The following CCDC150 variants were observed in gnomAD, a reference collection of about 807,000 sequenced individuals.
CCDC150 encodes coiled-coil domain-containing protein 150.
Under a neutral mutation model 156.5 loss-of-function variants are expected in CCDC150, and 151 were observed. The observed-to-expected ratio is 0.97, with a 90% CI of 0.85 to 1.10. The LOEUF (loss-of-function observed/expected upper bound fraction) is 1.10. CCDC150 is among the 50% of genes least tolerant of loss of function. CCDC150 has a pLI of 0.00. For synonymous variants in CCDC150, 452 were observed against 429.4 expected (o/e 1.05, Z -0.65); for missense variants, 1,312 against 1,268.1 (o/e 1.03, Z -0.53).
chr2:196,640,263 T>G (rs1197419292), intron 1 of CCDC150, among the ~76,000 whole-genome samples: 3 of 152,202 alleles, frequency 2.0e-5, no homozygotes, highest in Non-Finnish European at 4.4e-5. Flanking sequence ...TCCTGTTTAT[T>G]TACCACCTAT....
At chr2:196,732,353 C>A in intron 27 of CCDC150, 93 bp from the exon 28 acceptor site, 1 of 1,127,708 alleles carries the variant, frequency 8.9e-7, no homozygotes, top group Non-Finnish European at 1.3e-6. Flanking sequence ...CACTTGTCTT[C>A]ATGAATAGAT....
rs779529724 is a variant in CCDC150 at position 196,718,763 on chromosome 2, A to G, written c.1995+132A>G. ...ATCAGGGGAGGATTTCTTTTTCTGG[A>G]GAAAAGATAATTTTAGAATAGTTTA... On this transcript the variant is annotated intron_variant, in intron 18 of 27. Coordinates refer to ENST00000389175, the MANE Select transcript of CCDC150 (RefSeq NM_001080539.2). 304 of 1,206,774 alleles carry G rather than the reference A, an allele frequency of 2.5e-4. 1 individual carries two copies. Among genetic ancestry groups the G allele is most frequent in the Middle Eastern group, 2.4e-3 (11 of 4,544 alleles). 74.8% of individuals were successfully genotyped at this position (1,206,774 alleles called of 1,614,324 possible).
At chr2:196,664,676 C>G (rs999642020) in intron 5 of CCDC150, among the ~76,000 whole-genome samples, 1 of 152,140 alleles carries the variant, frequency 6.6e-6, no homozygotes, top group African/African-American at 2.4e-5. Context: ...CTTCTCCCCT[C>G]GTTAGAGGTT....
intron 15 of CCDC150, 103 bp from the exon 16 acceptor site, chr2:196,712,042 A>G: frequency 8.2e-6 from 3 of 367,762 alleles, no homozygotes; most frequent in Non-Finnish European, 4.8e-6. Flanking sequence ...TTTACAACTC[A>G]TGACCCTTTT....
chr2:196,691,659 C>T (rs866932800), intron 13 of CCDC150, among the ~76,000 whole-genome samples: 54 of 151,596 alleles, frequency 3.6e-4, no homozygotes, highest in Middle Eastern at 3.4e-3. Context: ...AAACAGCTCC[C>T]GGGCTGGACA....
rs1379910738 is a variant in CCDC150 at position 196,656,920 on chromosome 2, T to C, written c.398-38T>C. ...TGCTTGATTTTCTTTACTGACCTTC[T>C]TTCTGCTGCTTGATGCCCCTCCTGT... On this transcript the variant is annotated intron_variant, in intron 3 of 27. Coordinates refer to ENST00000389175, the MANE Select transcript of CCDC150 (RefSeq NM_001080539.2). 5 of 1,611,822 alleles carry C rather than the reference T, an allele frequency of 3.1e-6. No individual in the cohort carries two copies. The South Asian group carries it at 5.5e-5, about 18-fold the overall frequency.
chr2:196,645,921 A>G (rs953586931), intron 1 of CCDC150, among the ~76,000 whole-genome samples: 6 of 152,238 alleles, frequency 3.9e-5, no homozygotes, highest in Non-Finnish European at 5.9e-5. Flanking sequence ...TCAGCAAGTC[A>G]TAGGTCCTTG....
In CCDC150 at chr2:196,695,257, C is replaced by G. The variant is rs996729679; in HGVS notation, c.1623+98C>G. On this transcript the variant is annotated intron_variant, in intron 14 of 27. Transcript: ENST00000389175. ...AGGAGATGGGTTTTCTTTGTGTTTT[C>G]ATAATTATTAAAAATCTAAGCAGAG... The G allele has an allele frequency of 1.5e-5, 9 of 588,856 alleles. No individual in the cohort carries two copies. The South Asian group carries it at 2.2e-4, about 14-fold the overall frequency. 36.5% of individuals were successfully genotyped at this position (588,856 alleles called of 1,614,324 possible).
chr2:196,706,552 G>A (rs1478695372), intron 15 of CCDC150, among the ~76,000 whole-genome samples: 1 of 152,150 alleles, frequency 6.6e-6, no homozygotes, highest in Non-Finnish European at 1.5e-5. Flanking sequence ...ATACTATGTT[G>A]AATAGGAGTG....
At position 196,666,865 on chromosome 2, in the gene CCDC150, T is replaced by C. The variant is rs1194538021; in HGVS notation, c.892+17T>C. The C allele has an allele frequency of 6.2e-7, 1 of 1,612,944 alleles. No individual in the cohort carries two copies. The highest frequency in any genetic ancestry group is 1.1e-5 in the South Asian group (1 of 91,052). ...CTGATCTAAGTATGAAAATAGATGC[T>C]AGAAATCACCCTCTTGTTAGTTTTT... On this transcript the variant is annotated intron_variant, in intron 7 of 27. Coordinates refer to ENST00000389175, the MANE Select transcript of CCDC150 (RefSeq NM_001080539.2).
intron 2 of CCDC150, 40 bp from the exon 3 acceptor site, chr2:196,656,593 T>C: frequency 1.5e-6 from 2 of 1,373,472 alleles, no homozygotes; most frequent in Non-Finnish European, 2.0e-6. Flanking sequence ...ATAGTAGAAA[T>C]TGCATTGCAT....
At position 196,729,239 on chromosome 2, in the gene CCDC150, C is replaced by A. The variant is rs1390799090; in HGVS notation, c.2603C>A (p.Ser868Tyr). The change falls in exon 23 of 28, where the codon TCC (serine) becomes TAC (tyrosine). Residue 868 changes from serine (S) to tyrosine (Y), a missense_variant. Transcript: ENST00000389175. ...DEANFRSVEV[S>Y]RTNRELRQKL... ...GCTAACTTCAGATCAGTGGAAGTGT[C>A]CCGGACCAACCGAGAGCTGCGACAG... 2 of 1,613,378 alleles carry A rather than the reference C, an allele frequency of 1.2e-6. No homozygotes were observed. Among genetic ancestry groups the A allele is most frequent in the Non-Finnish European group, 1.7e-6 (2 of 1,179,776 alleles).
intron 14 of CCDC150, among the ~76,000 whole-genome samples, chr2:196,697,929 G>C (rs907289705): frequency 6.6e-6 from 1 of 152,052 alleles, no homozygotes; most frequent in Non-Finnish European, 1.5e-5. Flanking sequence ...CTAAAGAATG[G>C]TATCTTTGTG....
chr2:196,724,353 A>G (rs1698090582), intron 21 of CCDC150, among the ~76,000 whole-genome samples: 1 of 152,190 alleles, frequency 6.6e-6, no homozygotes, highest in African/African-American at 2.4e-5. Context: ...GAGACTTGAG[A>G]GAAATTTTAA....
At chr2:196,641,317 A>T (rs978469065) in intron 1 of CCDC150, among the ~76,000 whole-genome samples, 1 of 151,438 alleles carries the variant, frequency 6.6e-6, no homozygotes. Context: ...TCATCTCTCA[A>T]TGTTCTCTGT....
intron 1 of CCDC150, among the ~76,000 whole-genome samples, chr2:196,643,136 G>A (rs1692336005): frequency 6.6e-6 from 1 of 152,158 alleles, no homozygotes; most frequent in African/African-American, 2.4e-5. Context: ...GATTCTCAGC[G>A]ATTGACTAAG....
At chr2:196,726,159 G>A in intron 22 of CCDC150, 60 bp downstream of exon 22, 2 of 1,584,262 alleles carry the variant, frequency 1.3e-6, no homozygotes, top group Non-Finnish European at 1.7e-6. Context: ...GCAGCTCAAG[G>A]ATTTCAGAGA....
intron 13 of CCDC150, among the ~76,000 whole-genome samples, chr2:196,692,187 T>G (rs1695525369): frequency 7.1e-6 from 1 of 141,388 alleles, no homozygotes; most frequent in Non-Finnish European, 1.5e-5. Flanking sequence ...GACTGCGGAC[T>G]GCAGTGGCGC....
In CCDC150 at chr2:196,721,606, A is replaced by C; in HGVS notation, c.2344A>C (p.Asn782His). Residue 782 changes from asparagine (N) to histidine (H), a missense_variant, in exon 21 of 28, where the codon AAT becomes CAT. Physicochemically the swap from Asn to His is moderately conservative, Grantham distance 68 (BLOSUM62 1). Transcript: ENST00000389175. ...AMSLEQALQT[N>H]NHLQTKLDHI... is the part of the protein sequence containing the mutation. ...GAGTCTGGAACAAGCTCTCCAGACA[A>C]ATAATCATCTGCAAACAAAGCTAGA... 1 of 1,608,196 alleles carries C rather than the reference A, an allele frequency of 6.2e-7. No individual in the cohort carries two copies.
Sources: allele counts gnomAD v4.1 joint callset (sites outside exome capture counted in the v4.1 genomes callset), GRCh38; gene constraint gnomAD v4.1.1; transcripts MANE v1.5; gene names NCBI Gene and HGNC (gene_info 2026-07-23, HGNC 2026-07-21).